Variants in PPP4R4 observed in about 807,000 individuals in gnomAD.
PPP4R4 encodes protein phosphatase 4 regulatory subunit 4.
PPP4R4 carries 70 observed loss-of-function variants against 121.8 expected under a neutral mutation model. The observed-to-expected ratio is 0.57, with a 90% CI of 0.47 to 0.70. The LOEUF (loss-of-function observed/expected upper bound fraction) is 0.70, where lower values mean the gene tolerates loss of function less well. PPP4R4 is among the 30% of genes least tolerant of loss of function. The pLI is 0.00. For synonymous variants in PPP4R4, 348 were observed against 355.7 expected (o/e 0.98, Z 0.24); for missense variants, 875 against 1,033.6 (o/e 0.85, Z 2.10).
At chr14:94,230,878 A>G in intron 4 of PPP4R4, 144 bp downstream of exon 4, 2 of 930,418 alleles carry the variant, frequency 2.1e-6, no homozygotes, top group Non-Finnish European at 3.1e-6. Context: ...ATGACTTAAA[A>G]TAGCTATGGC....
chr14:94,222,901 T>C (rs987603063), intron 3 of PPP4R4, among the ~76,000 whole-genome samples: 2 of 152,138 alleles, frequency 1.3e-5, no homozygotes, highest in African/African-American at 4.8e-5. Flanking sequence ...TTAATAGTAT[T>C]TCCATGTCCT....
In PPP4R4 at chr14:94,256,386, C is replaced by G. The variant is rs1218178732; in HGVS notation, c.1866-74C>G. On this transcript the variant is annotated intron_variant, in intron 16 of 24. Coordinates refer to ENST00000304338, the MANE Select transcript of PPP4R4 (RefSeq NM_058237.2). The stretch of plus-strand genomic sequence containing the variant: ...AAATGAACTCTCAGGCTATCTAAAA[C>G]TTGATTTTTGTTTTATGTTTCTGTT... 12 of 1,287,778 alleles carry G rather than the reference C, an allele frequency of 9.3e-6. No homozygotes were observed. The African/African-American group carries it at 1.2e-4, about 13-fold the overall frequency. The allele number at this position is 1,287,778 out of a possible 1,614,324, so 79.8% of individuals were successfully genotyped here. A position where few individuals can be genotyped will look rare whatever the true frequency, so the allele number is the denominator to read the frequency against.
At position 94,194,749 on chromosome 14, in the gene PPP4R4, G is replaced by A. The variant is rs537888121; in HGVS notation, c.192-13715G>A. 9.9e-5 allele frequency among the ~76,000 whole-genome samples: 15 copies of A among 152,146 alleles called. No homozygotes were observed. The East Asian group carries it at 2.3e-3, about 24-fold the overall frequency. On this transcript the variant is annotated intron_variant, in intron 2 of 24. Coordinates refer to ENST00000304338, the MANE Select transcript of PPP4R4 (RefSeq NM_058237.2). ...CTCTTGACTAGCTGGGACTATAGGC[G>A]CAGTACCCCACACCGGGCAATACTT...
At chr14:94,250,350 A>G in intron 15 of PPP4R4, 73 bp downstream of exon 15, 1 of 973,688 alleles carries the variant, frequency 1.0e-6, no homozygotes, top group Non-Finnish European at 1.6e-6. Context: ...TGTCTAACTT[A>G]TGTATCATTT....
chr14:94,232,278 AAG>A (rs1892079259), intron 5 of PPP4R4, among the ~76,000 whole-genome samples: 1 of 152,186 alleles, frequency 6.6e-6, no homozygotes. Context: ...GATTGAAAAA[AAG>A]AGTCATCAGC....
intron 6 of PPP4R4, 150 bp downstream of exon 6, chr14:94,233,909 T>G (rs1892190129): frequency 1.6e-6 from 1 of 612,090 alleles, no homozygotes; most frequent in African/African-American, 1.9e-5. Flanking sequence ...CATGACGAAT[T>G]TACTTATTCA....
chr14:94,275,507 A>G lies in PPP4R4; in HGVS notation c.2583A>G (p.Pro861=). The G allele has an allele frequency of 6.2e-7, 1 of 1,614,038 alleles. No homozygotes were observed. ...GCAGTGGAAGTAAAGATACACAACCACGGAAGGCTACCTTGTAAGTAATCA... is the reference window on the plus strand; with the variant it reads ...GCAGTGGAAGTAAAGATACACAACCGCGGAAGGCTACCTTGTAAGTAATCA... ...PKSSGSKDTQ[P]RKATLKSRKS... Residue 861 remains proline (P), a synonymous_variant, in exon 24 of 25, where the codon CCA becomes CCG. Transcript: ENST00000304338.
chr14:94,185,956 A>G (rs145775223), intron 2 of PPP4R4, among the ~76,000 whole-genome samples: 118 of 152,280 alleles, frequency 7.7e-4, no homozygotes, highest in African/African-American at 2.7e-3. Flanking sequence ...TTAATGCCAC[A>G]CCCTAACCCT....
chr14:94,204,733 T>C (rs1050236957), intron 2 of PPP4R4, among the ~76,000 whole-genome samples: 4 of 152,176 alleles, frequency 2.6e-5, no homozygotes, highest in Non-Finnish European at 5.9e-5. Flanking sequence ...TGCTTAGATA[T>C]CCTTTGATTT....
intron 2 of PPP4R4, among the ~76,000 whole-genome samples, chr14:94,199,001 T>C (rs1259148993): frequency 1.3e-5 from 2 of 152,240 alleles, no homozygotes; most frequent in African/African-American, 2.4e-5. Flanking sequence ...TTGTTTTAGC[T>C]ATTCTATATC....
chr14:94,188,896 C>T (rs73342841), intron 2 of PPP4R4, among the ~76,000 whole-genome samples: 4,692 of 152,044 alleles, frequency 0.031, 200 homozygotes, highest in African/African-American at 0.09. Context: ...GTTAAAAAAT[C>T]CCATCACATT....
chr14:94,176,073 G>C lies in PPP4R4; in HGVS notation c.137G>C (p.Arg46Thr), dbSNP rs1462119884. The C allele has an allele frequency of 6.2e-7, 1 of 1,612,520 alleles. No homozygotes were observed. Among genetic ancestry groups the C allele is most frequent in the African/African-American group, 1.3e-5 (1 of 74,906 alleles). ...RSLKTPEEIERLTVDEDLSDI... is the reference protein window; with the variant it reads ...RSLKTPEEIETLTVDEDLSDI... ...TGACAGACACCGGAAGAAATAGAAA[G>C]ATTGACAGTCGATGAAGACCTCAGT... Residue 46 changes from arginine to threonine, a missense_variant, in exon 2 of 25, where the codon AGA becomes ACA. By Grantham distance (71) the Arg-to-Thr change is moderately conservative. Transcript: ENST00000304338.
intron 2 of PPP4R4, among the ~76,000 whole-genome samples, chr14:94,182,344 A>AAC (rs1889039667): frequency 6.6e-6 from 1 of 152,204 alleles, no homozygotes; most frequent in African/African-American, 2.4e-5. Context: ...TTCACAAGTG[A>AAC]ACACACCCAT....
At chr14:94,207,712 A>ATC (rs1890534876) in intron 2 of PPP4R4, among the ~76,000 whole-genome samples, 4 of 150,912 alleles carry the variant, frequency 2.7e-5, no homozygotes, top group African/African-American at 7.3e-5. Flanking sequence ...CTATCTATCT[A>ATC]TATATATATA....
intron 23 of PPP4R4, among the ~76,000 whole-genome samples, chr14:94,274,806 A>G (rs1330015398): frequency 6.6e-6 from 1 of 152,218 alleles, no homozygotes; most frequent in African/African-American, 2.4e-5. Context: ...AGAAGAAACT[A>G]AAACATATGT....
chr14:94,260,326 C>T (rs565232790), intron 19 of PPP4R4, among the ~76,000 whole-genome samples: 3 of 151,838 alleles, frequency 2.0e-5, no homozygotes, highest in East Asian at 1.9e-4. Flanking sequence ...CTCAGGAGGC[C>T]GAGGCAAGAG....
chr14:94,253,374 C>T (rs1279459182), intron 16 of PPP4R4, among the ~76,000 whole-genome samples: 5 of 152,114 alleles, frequency 3.3e-5, no homozygotes, highest in South Asian at 2.1e-4. Flanking sequence ...GCAGGAGAAT[C>T]GTATGAACCT....
chr14:94,192,452 CTG>C (rs910600474), intron 2 of PPP4R4, among the ~76,000 whole-genome samples: 7 of 152,242 alleles, frequency 4.6e-5, no homozygotes, highest in South Asian at 4.1e-4. Flanking sequence ...TTAAAACAAA[CTG>C]TTTAATAATT....
chr14:94,263,649 A>G (rs1046783564), intron 19 of PPP4R4, among the ~76,000 whole-genome samples: 25 of 152,224 alleles, frequency 1.6e-4, no homozygotes, highest in African/African-American at 5.8e-4. Flanking sequence ...GACAATAGAA[A>G]GAGAACCGCA....
Sources: gnomAD v4.1 joint callset for allele counts (sites outside exome capture counted in the v4.1 genomes callset) on GRCh38, gnomAD v4.1.1 for gene constraint, MANE v1.5 for transcripts, NCBI Gene and HGNC (gene_info 2026-07-23, HGNC 2026-07-21) for gene names.